The following ALG9 variants were observed in gnomAD, a reference collection of about 807,000 sequenced individuals.
ALG9 encodes the protein ALG9 alpha-1,2-mannosyltransferase.
Under a neutral mutation model 81.8 loss-of-function variants are expected in ALG9, and 55 were observed. The ratio of observed to expected loss-of-function variants is 0.67; its 90% confidence interval spans 0.54 to 0.84. The LOEUF (loss-of-function observed/expected upper bound fraction) is 0.84. Ranked by LOEUF, ALG9 falls within the 40% of genes least tolerant of loss-of-function variation. The probability of loss-of-function intolerance (pLI) is 0.00; values close to 1 mark genes in which losing one functional copy is unlikely to be tolerated. For missense variants in ALG9, 629 were observed against 745.0 expected, an observed-to-expected ratio of 0.84 and a Z score of 1.81; for synonymous variants, 278 against 274.3, an observed-to-expected ratio of 1.01 and a Z score of -0.13.
chr11:111,812,914 T>TAA (rs782815590), intron 13 of ALG9, among the ~76,000 whole-genome samples: 1 of 15,356 alleles, frequency 6.5e-5, no homozygotes, highest in Non-Finnish European at 9.6e-5. Flanking sequence ...AGACTCTGTC[T>TAA]CAAAAAAAAA....
Position 111,790,201 on chromosome 11 carries a change from G to A in ALG9, c.1734-3681C>T, listed in dbSNP as rs140498138. Among the ~76,000 whole-genome samples, 1,103 of 152,088 alleles carry A rather than the reference G, an allele frequency of 7.3e-3. 13 individuals are homozygous for A. Among genetic ancestry groups the A allele is most frequent in the African/African-American group, 0.025 (1,049 of 41,470 alleles). The stretch of plus-strand genomic sequence containing the variant: ...ACAAAAATTAGCTGGGCATGGTGGC[G>A]GGTGCCTTTAATCTCAGCTACTCAG... On this transcript the variant is annotated intron_variant, in intron 14 of 14. Coordinates refer to ENST00000616540, the MANE Select transcript of ALG9 (RefSeq NM_024740.2).
intron 8 of ALG9, among the ~76,000 whole-genome samples, chr11:111,851,674 T>C (rs1194331201): frequency 4.6e-5 from 7 of 152,170 alleles, no homozygotes; most frequent in Non-Finnish European, 8.8e-5. Context: ...GAGTAGATAT[T>C]GTGTTTCTAA....
intron 13 of ALG9, among the ~76,000 whole-genome samples, chr11:111,820,679 G>A (rs2136568387): frequency 6.6e-6 from 1 of 152,302 alleles, no homozygotes; most frequent in South Asian, 2.1e-4. Context: ...CAGACAAGAT[G>A]TTAGAGATAA....
At position 111,786,355 on chromosome 11, in the gene ALG9, T is replaced by C. The variant is rs377269069; in HGVS notation, c.*42A>G. On this transcript the variant is annotated 3_prime_UTR_variant, in exon 15 of 15. Transcript: ENST00000616540. ...CAGGGAGTCAGGTCACTGGAATCAA[T>C]AGTTAACAAGATGGTTGTCCTTTGG... 23 of 1,612,592 alleles carry C rather than the reference T, an allele frequency of 1.4e-5. No homozygotes were observed. In the African/African-American group the frequency reaches 2.3e-4, roughly 16 times the overall value.
intron 14 of ALG9, among the ~76,000 whole-genome samples, chr11:111,807,152 A>G (rs1950045729): frequency 1.3e-5 from 2 of 152,184 alleles, no homozygotes; most frequent in Non-Finnish European, 2.9e-5. Flanking sequence ...TGATCCTTTT[A>G]AAATAAAAGT....
chr11:111,868,715 C>A lies in ALG9; in HGVS notation c.292G>T (p.Glu98Ter). The change falls in exon 3 of 15, where the codon GAA becomes TAA. Residue 98 changes from glutamate to a stop codon, truncating the protein, a stop_gained. Coordinates refer to ENST00000616540, the MANE Select transcript of ALG9 (RefSeq NM_024740.2). LOFTEE classifies it high-confidence loss of function. ...WEPTHYLIYG[E>*]GFQTWEYSPA... ...GAATATTCCCAAGTCTGAAACCCTTCCCCATAGATGAGGTAGTGTGTCTAA... is the reference window on the plus strand; with the variant it reads ...GAATATTCCCAAGTCTGAAACCCTTACCCATAGATGAGGTAGTGTGTCTAA... The A allele has an allele frequency of 6.2e-7, 1 of 1,612,842 alleles. No homozygotes were observed. The highest frequency in any genetic ancestry group is 8.5e-7 in the Non-Finnish European group (1 of 1,179,262).
intron 14 of ALG9, among the ~76,000 whole-genome samples, chr11:111,787,306 G>T (rs1221204461): frequency 6.6e-6 from 1 of 151,720 alleles, no homozygotes; most frequent in African/African-American, 2.4e-5. Flanking sequence ...GGTGGTGCAT[G>T]CCTGTAATCC....
At chr11:111,772,360 A>G in the ALG9 span, among the ~76,000 whole-genome samples, 1 of 152,260 alleles carries the variant, frequency 6.6e-6, no homozygotes, top group African/African-American at 2.4e-5. Flanking sequence ...TGGGAGGCAG[A>G]GGCTGCAGTT....
intron 9 of ALG9, among the ~76,000 whole-genome samples, chr11:111,843,218 A>G (rs1365235077): frequency 6.6e-6 from 1 of 152,246 alleles, no homozygotes; most frequent in Non-Finnish European, 1.5e-5. Flanking sequence ...AATGTGGGAC[A>G]TTATGCAAGA....
At chr11:111,868,457 T>C in intron 3 of ALG9, 145 bp downstream of exon 3, 1 of 1,047,082 alleles carries the variant, frequency 9.6e-7, no homozygotes, top group Non-Finnish European at 1.4e-6. Flanking sequence ...TCATTAATGC[T>C]TGTTGAATGG....
At chr11:111,774,937 A>T in the ALG9 span, among the ~76,000 whole-genome samples, 1 of 152,072 alleles carries the variant, frequency 6.6e-6, no homozygotes, top group Non-Finnish European at 1.5e-5. Flanking sequence ...TAGGCCTCTT[A>T]TCACCATGTC....
intron 4 of ALG9, among the ~76,000 whole-genome samples, chr11:111,862,294 G>C (rs1555148707): frequency 2.0e-5 from 3 of 150,384 alleles, no homozygotes; most frequent in Non-Finnish European, 4.4e-5. Flanking sequence ...AGTGCAATGG[G>C]GTGATCTTGG....
chr11:111,778,807 TTTTC>T (rs1945767822), downstream of ALG9, among the ~76,000 whole-genome samples: 1 of 149,150 alleles, frequency 6.7e-6, no homozygotes, highest in African/African-American at 2.5e-5. Flanking sequence ...GGCAATTTTC[TTTTC>T]TTTTCTTTTT....
chr11:111,802,015 C>T (rs1949196025), intron 14 of ALG9, among the ~76,000 whole-genome samples: 1 of 152,200 alleles, frequency 6.6e-6, no homozygotes, highest in Non-Finnish European at 1.5e-5. Flanking sequence ...TCTATCTCTC[C>T]AGCTGTCTCC....
chr11:111,771,019 G>C, the ALG9 span: 957 of 152,308 alleles, frequency 6.3e-3, 45 homozygotes, highest in East Asian at 0.13. Flanking sequence ...GGAAGACTGA[G>C]TTAGATTTGC....
chr11:111,776,659 C>T, the ALG9 span, among the ~76,000 whole-genome samples: 1 of 152,156 alleles, frequency 6.6e-6, no homozygotes, highest in African/African-American at 2.4e-5. Flanking sequence ...AAAACCAGTA[C>T]AGTCCCACAT....
chr11:111,800,220 C>T (rs537675597), intron 14 of ALG9, among the ~76,000 whole-genome samples: 1 of 152,262 alleles, frequency 6.6e-6, no homozygotes, highest in South Asian at 2.1e-4. Context: ...GTGGCTCACA[C>T]CTGTAATCCC....
chr11:111,857,582 G>A lies in ALG9; in HGVS notation c.701+20C>T, dbSNP rs1555144228. ...CTATATGCCCAGCGATATATGGGAGGAGAACTGTTAGTTTCTTACCCAAGA... is the reference window on the plus strand; with the variant it reads ...CTATATGCCCAGCGATATATGGGAGAAGAACTGTTAGTTTCTTACCCAAGA... On this transcript the variant is annotated intron_variant, in intron 6 of 14. Transcript: ENST00000616540. The A allele has an allele frequency of 4.3e-6, 7 of 1,613,860 alleles. No individual in the cohort carries two copies. Among genetic ancestry groups the A allele is most frequent in the Non-Finnish European group, 5.9e-6 (7 of 1,179,936 alleles).
chr11:111,843,295 G>A (rs1555125678), intron 9 of ALG9, among the ~76,000 whole-genome samples: 1 of 152,072 alleles, frequency 6.6e-6, no homozygotes, highest in East Asian at 1.9e-4. Flanking sequence ...TTCTTAAAAA[G>A]CTTAAGAAAT....
Sources: allele counts gnomAD v4.1 joint callset (sites outside exome capture counted in the v4.1 genomes callset), GRCh38; gene constraint gnomAD v4.1.1; transcripts MANE v1.5; gene names NCBI Gene and HGNC (gene_info 2026-07-23, HGNC 2026-07-21).